Variants in SAXO5 observed in about 807,000 individuals in gnomAD.
SAXO5 encodes the protein stabilizer of axonemal microtubules 5.
the SAXO5 span, chr19:7,507,142 G>A: frequency 1.9e-6 from 3 of 1,613,626 alleles, no homozygotes; most frequent in Non-Finnish European, 2.5e-6. Context: ...GCTACAGCGG[G>A]TAAGGGAGGC....
chr19:7,504,543 T>A, the SAXO5 span: 1 of 669,834 alleles, frequency 1.5e-6, no homozygotes, highest in Non-Finnish European at 2.6e-6. Context: ...CTGTCTCTAC[T>A]AAAAATACAA....
At chr19:7,506,233 GC>G in the SAXO5 span, 24 of 1,067,378 alleles carry the variant, frequency 2.2e-5, no homozygotes, top group Admixed American at 5.9e-5. Context: ...CGAAAGCCCC[GC>G]CCCCATGGAG....
the SAXO5 span, chr19:7,501,343 C>T: frequency 5.1e-6 from 8 of 1,559,432 alleles, no homozygotes; most frequent in Non-Finnish European, 6.9e-6. Flanking sequence ...ACGCACCAGG[C>T]GCTCTTTCCA....
the SAXO5 span, chr19:7,507,277 C>T: frequency 1.3e-6 from 1 of 752,506 alleles, no homozygotes; most frequent in Non-Finnish European, 2.2e-6. Flanking sequence ...AATATCCCTT[C>T]AGCCTGAAGA....
the SAXO5 span, chr19:7,501,152 C>A: frequency 1.7e-5 from 25 of 1,510,980 alleles, no homozygotes; most frequent in African/African-American, 1.4e-5. Context: ...CCATGCAGGC[C>A]GGCAACCTGC....
At chr19:7,500,734 G>A in the SAXO5 span, 22 of 1,249,708 alleles carry the variant, frequency 1.8e-5, no homozygotes, top group Non-Finnish European at 2.3e-5. Flanking sequence ...GCAGAAAGGA[G>A]TCAAAAGCAG....
chr19:7,507,000 C>T, the SAXO5 span: 7 of 1,457,186 alleles, frequency 4.8e-6, no homozygotes, highest in Non-Finnish European at 6.7e-6. Context: ...TCACCACACC[C>T]TCAGCCCCGC....
At chr19:7,508,271 C>T in the SAXO5 span, 50 of 1,613,986 alleles carry the variant, frequency 3.1e-5, no homozygotes, top group Admixed American at 6.7e-4. Context: ...AATACAAGGA[C>T]GAGTTTCCTT....
chr19:7,498,241 C>T, the SAXO5 span, among the ~76,000 whole-genome samples: 1 of 151,668 alleles, frequency 6.6e-6, no homozygotes, highest in Non-Finnish European at 1.5e-5. Context: ...GATGGGGTTT[C>T]GCTCTGTCAC....
the SAXO5 span, chr19:7,501,047 G>T: frequency 6.6e-7 from 1 of 1,514,066 alleles, no homozygotes; most frequent in South Asian, 1.2e-5. Context: ...GCTGGGACCG[G>T]GAAGAGCGCG....
chr19:7,501,336 C>T, the SAXO5 span: 3 of 1,564,354 alleles, frequency 1.9e-6, no homozygotes, highest in Non-Finnish European at 2.6e-6. Context: ...GCCCACCACG[C>T]ACCAGGCGCT....
At chr19:7,506,429 CG>C in the SAXO5 span, 1 of 527,068 alleles carries the variant, frequency 1.9e-6, no homozygotes, top group East Asian at 3.8e-5. Context: ...TGGATAATCC[CG>C]CCCCTTCATG....
the SAXO5 span, chr19:7,504,143 G>C: frequency 6.2e-7 from 1 of 1,613,254 alleles, no homozygotes; most frequent in South Asian, 1.1e-5. Context: ...CCCTCAAGTG[G>C]GACTACACGA....
chr19:7,500,913 G>A, the SAXO5 span: 5 of 1,584,222 alleles, frequency 3.2e-6, no homozygotes, highest in South Asian at 4.5e-5. Context: ...GCTGGGGCCT[G>A]ACCTGCGGCT....
At chr19:7,508,138 TG>T in the SAXO5 span, 1 of 1,357,808 alleles carries the variant, frequency 7.4e-7, no homozygotes, top group South Asian at 1.2e-5. Context: ...CTGGAGATCC[TG>T]GGGTGGACAG....
At chr19:7,502,432 A>C in the SAXO5 span, among the ~76,000 whole-genome samples, 2 of 152,194 alleles carry the variant, frequency 1.3e-5, no homozygotes, top group African/African-American at 2.4e-5. Flanking sequence ...AAATTTAAAA[A>C]GATGGGCAGA....
chr19:7,498,182 C>T, the SAXO5 span, among the ~76,000 whole-genome samples: 7 of 147,466 alleles, frequency 4.7e-5, no homozygotes, highest in Non-Finnish European at 4.6e-5. Context: ...CACACACACA[C>T]ACACACACAC....
the SAXO5 span, chr19:7,498,868 G>A: frequency 1.3e-5 from 2 of 152,700 alleles, no homozygotes; most frequent in East Asian, 3.8e-4. Context: ...AGTCCCAGGT[G>A]ACTGAGCAGA....
the SAXO5 span, chr19:7,504,181 A>G: frequency 1.9e-6 from 3 of 1,613,998 alleles, no homozygotes; most frequent in Non-Finnish European, 2.5e-6. Flanking sequence ...TACCAAAGAC[A>G]GTTCCAGGCC....
Sources: gnomAD v4.1 joint callset for allele counts (sites outside exome capture counted in the v4.1 genomes callset) on GRCh38, gnomAD v4.1.1 for gene constraint, MANE v1.5 for transcripts, NCBI Gene and HGNC (gene_info 2026-07-23, HGNC 2026-07-21) for gene names.